IQGAP1: variants seen among roughly 807,000 people sequenced by gnomAD.
The protein encoded by IQGAP1 is ras GTPase-activating-like protein IQGAP1.
In IQGAP1, 66 loss-of-function variants were observed where a neutral mutation model predicts 215.6. That is an observed-to-expected ratio of 0.31 (90% CI 0.25 to 0.38). The LOEUF is 0.38. Among genes scored for constraint, IQGAP1 ranks in the 10% least tolerant of loss-of-function variants. IQGAP1 has a pLI of 1.00. For missense variants in IQGAP1, 1,712 were observed against 1,997.1 expected (o/e 0.86, Z 2.72); for synonymous variants, 772 against 728.7 (o/e 1.06, Z -0.96).
At chr15:90,410,678 G>A (rs1468809548) in intron 2 of IQGAP1, among the ~76,000 whole-genome samples, 1 of 149,934 alleles carries the variant, frequency 6.7e-6, no homozygotes, top group African/African-American at 2.5e-5. Flanking sequence ...ACACACTGGG[G>A]CCTGTTGTGG....
rs561229520 is a variant in IQGAP1, at chr15:90,442,778, G to C, written c.829-616G>C. Among the ~76,000 whole-genome samples the C allele has an allele frequency of 5.3e-5, 8 of 152,244 alleles. No individual in the cohort carries two copies. In the East Asian group the frequency reaches 1.5e-3, roughly 29 times the overall value. On this transcript the variant is annotated intron_variant, in intron 8 of 37. Coordinates refer to ENST00000268182, the MANE Select transcript of IQGAP1 (RefSeq NM_003870.4). ...GAGGTTAGGAGTTTGAGACCAGCCT[G>C]GCCAATATGGTGAAACCCTATCTCT...
chr15:90,429,426 C>G (rs796580655), intron 3 of IQGAP1, among the ~76,000 whole-genome samples, 163 bp from the exon 4 acceptor site: 28 of 152,226 alleles, frequency 1.8e-4, no homozygotes, highest in African/African-American at 6.7e-4. Flanking sequence ...GTGAGAGGAG[C>G]TGAGATGTGG....
chr15:90,440,566 C>G lies in IQGAP1; in HGVS notation c.600C>G (p.Ser200Arg), dbSNP rs1424937843. 1.3e-6 allele frequency: 2 copies of G among 1,571,104 alleles called. No individual in the cohort carries two copies. The highest frequency in any genetic ancestry group is 1.7e-6 in the Non-Finnish European group (2 of 1,156,520). ...EKYGIQMPAFSKIGGILANEL... is the reference protein window; with the variant it reads ...EKYGIQMPAFRKIGGILANEL... ...ATGGCATCCAGATGCCTGCCTTTAG[C>G]AAGATTGGGGGCATCTTGGCTAATG... is the stretch of plus-strand genomic sequence containing the variant. The change falls in exon 7 of 38, where the codon AGC becomes AGG. Residue 200 changes from serine (S) to arginine (R), a missense_variant. Physicochemically the swap from Ser to Arg is moderately radical, Grantham distance 110. Transcript: ENST00000268182.
Position 90,446,121 on chromosome 15 carries a change from C to G in IQGAP1, c.914-2452C>G, listed in dbSNP as rs80266195. Among the ~76,000 whole-genome samples, 308 of 152,238 alleles carry G rather than the reference C, an allele frequency of 2.0e-3. 1 individual carries two copies. Among genetic ancestry groups the G allele is most frequent in the African/African-American group, 7.2e-3 (299 of 41,534 alleles). On this transcript the variant is annotated intron_variant, in intron 9 of 37. Coordinates refer to ENST00000268182, the MANE Select transcript of IQGAP1 (RefSeq NM_003870.4). ...AACTGGAGTGTCCTTATGGTTGGTTCTCTGTGAGAAGAAAGTCCACGATGT... is the reference window on the plus strand; with the variant it reads ...AACTGGAGTGTCCTTATGGTTGGTTGTCTGTGAGAAGAAAGTCCACGATGT...
intron 2 of IQGAP1, among the ~76,000 whole-genome samples, chr15:90,398,384 TC>T (rs1406004301): frequency 2.0e-5 from 3 of 152,148 alleles, no homozygotes; most frequent in Non-Finnish European, 4.4e-5. Flanking sequence ...GTGTGAGATT[TC>T]CTTTTTACTT....
intron 5 of IQGAP1, among the ~76,000 whole-genome samples, chr15:90,437,665 A>G (rs1965388777): frequency 6.6e-6 from 1 of 152,028 alleles, no homozygotes; most frequent in Non-Finnish European, 1.5e-5. Flanking sequence ...TAGCCTCCCA[A>G]ATGGCTAGGA....
chr15:90,481,089 G>A (rs1966051663), intron 26 of IQGAP1, among the ~76,000 whole-genome samples: 1 of 152,110 alleles, frequency 6.6e-6, no homozygotes, highest in Non-Finnish European at 1.5e-5. Context: ...TCATGAAGTC[G>A]AGGTGCTGGA....
At chr15:90,454,202 G>A (rs770671450) in intron 13 of IQGAP1, among the ~76,000 whole-genome samples, 1 of 152,264 alleles carries the variant, frequency 6.6e-6, no homozygotes, top group East Asian at 1.9e-4. Context: ...TTGAACTGCT[G>A]CCTTTAATTC....
chr15:90,481,603 C>T (rs1454804815), intron 26 of IQGAP1, among the ~76,000 whole-genome samples: 4 of 152,156 alleles, frequency 2.6e-5, no homozygotes, highest in African/African-American at 9.7e-5. Flanking sequence ...AGTTGAAGCC[C>T]TTTCCCTATG....
intron 33 of IQGAP1, among the ~76,000 whole-genome samples, chr15:90,489,424 G>A (rs567804969): frequency 1.3e-5 from 2 of 152,108 alleles, no homozygotes; most frequent in Non-Finnish European, 2.9e-5. Context: ...CACTGCACCC[G>A]GCCATAGACC....
intron 10 of IQGAP1, among the ~76,000 whole-genome samples, chr15:90,449,117 A>T (rs1248494637): frequency 1.3e-5 from 2 of 151,842 alleles, no homozygotes; most frequent in South Asian, 2.1e-4. Context: ...CCAAAGCTGG[A>T]AAAGTACTTA....
chr15:90,495,703 T>TCTCAGCTCACTGCAGC (rs1966263005), intron 36 of IQGAP1, among the ~76,000 whole-genome samples: 1 of 148,758 alleles, frequency 6.7e-6, no homozygotes, highest in Non-Finnish European at 1.5e-5. Context: ...AGTGGCGCGA[T>TCTCAGCTCACTGCAGC]CTCAGCTCAC....
At chr15:90,480,645 G>A (rs1400727328) in intron 26 of IQGAP1, among the ~76,000 whole-genome samples, 1 of 152,074 alleles carries the variant, frequency 6.6e-6, no homozygotes, top group African/African-American at 2.4e-5. Flanking sequence ...ATGAAGAGGG[G>A]TATCCCTATC....
intron 29 of IQGAP1, 54 bp from the exon 30 acceptor site, chr15:90,484,166 C>A: frequency 1.9e-6 from 3 of 1,564,038 alleles, no homozygotes; most frequent in Non-Finnish European, 2.6e-6. Context: ...TGTCCTCTTG[C>A]CAACTTCATG....
chr15:90,452,554 C>T (rs966367460), intron 11 of IQGAP1, among the ~76,000 whole-genome samples: 20 of 152,196 alleles, frequency 1.3e-4, no homozygotes, highest in Non-Finnish European at 2.2e-4. Context: ...AGTTAGGAGG[C>T]TGCTTTTTGA....
intron 35 of IQGAP1, chr15:90,493,981 G>A (rs772167976): frequency 1.3e-5 from 2 of 152,078 alleles, no homozygotes; most frequent in African/African-American, 2.4e-5. Flanking sequence ...GATTTGTCAT[G>A]GCCTCCAGGC....
rs1202351201 is a variant in IQGAP1, at chr15:90,453,278, A to G, written c.1473A>G (p.Glu491=). Reference sequence around the variant, plus strand: ...TTACTGGTCTTACCAATATTGAGGAAGAAAACTGTCAGAGGTGGGTGTCCA... The same window carrying G: ...TTACTGGTCTTACCAATATTGAGGAGGAAAACTGTCAGAGGTGGGTGTCCA... The part of the protein sequence containing the change: ...SSVTGLTNIE[E]ENCQRYLDEL... The change falls in exon 13 of 38, where the codon GAA becomes GAG. Residue 491 remains glutamate (E), a synonymous_variant. Transcript: ENST00000268182. 1.2e-6 allele frequency: 2 copies of G among 1,612,186 alleles called. No individual in the cohort carries two copies. The highest frequency in any genetic ancestry group is 1.7e-5 in the Admixed American group (1 of 59,616).
intron 1 of IQGAP1, among the ~76,000 whole-genome samples, chr15:90,390,015 G>A: frequency 6.6e-6 from 1 of 151,952 alleles, no homozygotes; most frequent in Non-Finnish European, 1.5e-5. Context: ...CCTGAGGGAA[G>A]AGCATAAACA....
intron 7 of IQGAP1, 117 bp downstream of exon 7, chr15:90,440,732 G>T: frequency 3.1e-6 from 2 of 654,614 alleles, no homozygotes; most frequent in South Asian, 1.9e-5. Flanking sequence ...TAAGTCCACA[G>T]ATGTAGTTGT....
Sources: allele counts gnomAD v4.1 joint callset (sites outside exome capture counted in the v4.1 genomes callset), GRCh38; gene constraint gnomAD v4.1.1; transcripts MANE v1.5; gene names NCBI Gene and HGNC (gene_info 2026-07-23, HGNC 2026-07-21).